Variants in GPC6 observed in about 807,000 individuals in gnomAD.
GPC6 encodes glypican-6.
Under a neutral mutation model 55.2 loss-of-function variants are expected in GPC6, and 14 were observed. The ratio of observed to expected loss-of-function variants is 0.25; its 90% CI spans 0.17 to 0.40. GPC6 has a LOEUF of 0.40. Among genes scored for constraint, GPC6 ranks in the 10% least tolerant of loss-of-function variants. GPC6 has a pLI of 1.00. For synonymous variants in GPC6, 278 were observed against 259.6 expected (o/e 1.07, Z -0.68); for missense variants, 641 against 708.5 (o/e 0.90, Z 1.08).
At chr13:94,288,931 A>G (rs1874772273) in intron 5 of GPC6, among the ~76,000 whole-genome samples, 1 of 103,736 alleles carries the variant, frequency 9.6e-6, no homozygotes. Flanking sequence ...TATAACAAAT[A>G]TAGATAGATA....
chr13:93,266,630 G>A (rs1877333999), intron 1 of GPC6, among the ~76,000 whole-genome samples: 1 of 152,102 alleles, frequency 6.6e-6, no homozygotes, highest in African/African-American at 2.4e-5. Context: ...GGGCATTCGG[G>A]CATGAATATT....
chr13:93,269,278 T>TG (rs1877428888), intron 1 of GPC6, among the ~76,000 whole-genome samples: 1 of 152,258 alleles, frequency 6.6e-6, no homozygotes, highest in Non-Finnish European at 1.5e-5. Context: ...GTTCTATTAG[T>TG]GAAAACACAA....
At chr13:93,277,079 A>G (rs745454698) in intron 1 of GPC6, among the ~76,000 whole-genome samples, 6 of 152,178 alleles carry the variant, frequency 3.9e-5, no homozygotes, top group Non-Finnish European at 8.8e-5. Flanking sequence ...TTTTTCCTCA[A>G]AATTGTCTCC....
intron 4 of GPC6, among the ~76,000 whole-genome samples, chr13:94,267,667 A>G (rs905503131): frequency 6.6e-6 from 1 of 152,186 alleles, no homozygotes; most frequent in African/African-American, 2.4e-5. Context: ...TGCTCCATCT[A>G]AAGTGTGATT....
chr13:94,009,670 G>C (rs540073946), intron 3 of GPC6, among the ~76,000 whole-genome samples: 9 of 152,078 alleles, frequency 5.9e-5, no homozygotes. Flanking sequence ...TTTAGGCCAT[G>C]GCCCTACATA....
chr13:93,592,963 TA>T (rs1378448324), intron 2 of GPC6, among the ~76,000 whole-genome samples: 1 of 151,968 alleles, frequency 6.6e-6, no homozygotes, highest in Non-Finnish European at 1.5e-5. Flanking sequence ...TAAGGTCAAA[TA>T]AATGATATTA....
intron 1 of GPC6, among the ~76,000 whole-genome samples, chr13:93,480,571 G>C (rs1342833879): frequency 6.6e-6 from 1 of 152,084 alleles, no homozygotes; most frequent in Non-Finnish European, 1.5e-5. Flanking sequence ...TAATAAAGTT[G>C]TGCTTTGATC....
At chr13:93,240,544 G>T (rs1876394484) in intron 1 of GPC6, among the ~76,000 whole-genome samples, 1 of 152,022 alleles carries the variant, frequency 6.6e-6, no homozygotes, top group Non-Finnish European at 1.5e-5. Flanking sequence ...CAAGTTAAGT[G>T]GGTCTCTTGA....
chr13:93,357,171 A>G (rs976493834), intron 1 of GPC6, among the ~76,000 whole-genome samples: 1 of 152,204 alleles, frequency 6.6e-6, no homozygotes, highest in Non-Finnish European at 1.5e-5. Flanking sequence ...TTCATTGTGC[A>G]CTGAATTTCT....
intron 4 of GPC6, among the ~76,000 whole-genome samples, chr13:94,144,146 T>C (rs1005764809): frequency 1.3e-5 from 2 of 152,034 alleles, no homozygotes; most frequent in African/African-American, 4.8e-5. Flanking sequence ...TGTTGTCCTA[T>C]TTGCATATGT....
intron 2 of GPC6, among the ~76,000 whole-genome samples, chr13:93,702,068 C>A (rs745895996): frequency 5.3e-5 from 8 of 151,964 alleles, no homozygotes; most frequent in Non-Finnish European, 8.8e-5. Context: ...TTACTTTGCC[C>A]AGATCCATCA....
At chr13:93,599,488 T>C (rs1221231052) in intron 2 of GPC6, among the ~76,000 whole-genome samples, 1 of 152,158 alleles carries the variant, frequency 6.6e-6, no homozygotes, top group Non-Finnish European at 1.5e-5. Context: ...TTACTCTTTA[T>C]GATCTGGCTT....
At chr13:94,082,745 T>A (rs1343630518) in intron 4 of GPC6, among the ~76,000 whole-genome samples, 1 of 152,190 alleles carries the variant, frequency 6.6e-6, no homozygotes, top group Admixed American at 6.5e-5. Flanking sequence ...TATTTGATAT[T>A]TAGAAGTAGA....
At chr13:93,500,042 T>C (rs935201425) in intron 1 of GPC6, among the ~76,000 whole-genome samples, 1 of 152,202 alleles carries the variant, frequency 6.6e-6, no homozygotes, top group African/African-American at 2.4e-5. Context: ...TCTTCAGTGC[T>C]TACAGCACTT....
At chr13:94,137,326 T>C (rs1356652145) in intron 4 of GPC6, among the ~76,000 whole-genome samples, 7 of 152,122 alleles carry the variant, frequency 4.6e-5, no homozygotes, top group Admixed American at 3.3e-4. Flanking sequence ...AATCTATTAT[T>C]GATGAGAACA....
At chr13:93,622,299 C>T (rs980616187) in intron 2 of GPC6, among the ~76,000 whole-genome samples, 10 of 152,142 alleles carry the variant, frequency 6.6e-5, no homozygotes, top group Non-Finnish European at 1.3e-4. Context: ...CAAAGTGGGT[C>T]CTCTGATGAG....
At chr13:94,305,809 ATTCT>A in intron 5 of GPC6, among the ~76,000 whole-genome samples, 167 bp from the exon 6 acceptor site, 1 of 152,208 alleles carries the variant, frequency 6.6e-6, no homozygotes, top group Non-Finnish European at 1.5e-5. Flanking sequence ...TGTCTGGGTA[ATTCT>A]TTCTGTTATA....
intron 1 of GPC6, among the ~76,000 whole-genome samples, chr13:93,243,911 C>G (rs536248604): frequency 6.6e-6 from 1 of 152,072 alleles, no homozygotes; most frequent in South Asian, 2.1e-4. Context: ...GATGCTTGGC[C>G]TGTGTTATTC....
chr13:93,726,879 G>A lies in GPC6; in HGVS notation c.320-103275G>A, dbSNP rs1388899632. Among the ~76,000 whole-genome samples the A allele has an allele frequency of 2.0e-5, 3 of 152,094 alleles. No homozygotes were observed. The South Asian group carries it at 6.2e-4, about 31-fold the overall frequency. On this transcript the variant is annotated intron_variant, in intron 2 of 8. Transcript: ENST00000377047. ...GATGGCCTCCTCATTAGCATGCTCAGTGTAAGGGATGCCCAAATGGACTTG... is the reference window on the plus strand; with the variant it reads ...GATGGCCTCCTCATTAGCATGCTCAATGTAAGGGATGCCCAAATGGACTTG...
Sources: allele counts gnomAD v4.1 joint callset (sites outside exome capture counted in the v4.1 genomes callset), GRCh38; gene constraint gnomAD v4.1.1; transcripts MANE v1.5; gene names NCBI Gene and HGNC (gene_info 2026-07-23, HGNC 2026-07-21).